Variants in SACS observed in about 807,000 individuals in gnomAD.
SACS encodes sacsin molecular chaperone, also known as sacsin.
A neutral mutation model predicts 348.0 loss-of-function variants in SACS; 197 were observed. That is an observed-to-expected ratio of 0.57 (90% CI 0.50 to 0.64). The LOEUF is 0.64. SACS is among the 30% of genes least tolerant of loss of function. SACS has a pLI of 0.00. For missense variants in SACS, 4,999 were observed against 5,360.8 expected, an observed-to-expected ratio of 0.93 and a Z score of 2.11; for synonymous variants, 1,985 against 1,910.6, an observed-to-expected ratio of 1.04 and a Z score of -1.02.
chr13:23,341,023 GT>G lies in SACS; in HGVS notation c.2852del (p.His951ProfsTer16). 6.2e-7 allele frequency: 1 copy of G among 1,614,066 alleles called. No individual in the cohort carries two copies. ...YTKLKGCKVL[H>X]HTAKLPADLR... ...GATCTGCTGGGAGTTTGGCAGTATG[GT>G]GTAAGACTTTACAACCTTTCAATTT... On this transcript the variant is annotated frameshift_variant, in exon 10 of 10. Transcript: ENST00000382292. LOFTEE classifies it high-confidence loss of function.
At chr13:23,342,167 T>C (rs1350781626) in intron 9 of SACS, among the ~76,000 whole-genome samples, 1 of 152,166 alleles carries the variant, frequency 6.6e-6, no homozygotes, top group Non-Finnish European at 1.5e-5. Flanking sequence ...TAAATAATAG[T>C]GATAGAAAAT....
rs767957360 is a variant in SACS at position 23,332,179 on chromosome 13, G to A, written c.11697C>T (p.Leu3899=). 1.6e-5 allele frequency: 26 copies of A among 1,613,796 alleles called. No homozygotes were observed. Among genetic ancestry groups the A allele is most frequent in the Non-Finnish European group, 1.9e-5 (22 of 1,179,956 alleles). The change falls in exon 10 of 10, where the codon CTC becomes CTT. Residue 3899 remains leucine, a synonymous_variant. Coordinates refer to ENST00000382292, the MANE Select transcript of SACS (RefSeq NM_014363.6). ...QNDSVKVRSD[L]ENVRDLALYL... Reference sequence around the variant, plus strand: ...AAAGCGCAAGGTCTCGTACATTCTCGAGATCACTCCTCACCTTGACTGAAT... The same window carrying A: ...AAAGCGCAAGGTCTCGTACATTCTCAAGATCACTCCTCACCTTGACTGAAT...
chr13:23,413,336 T>C (rs2137969069), intron 1 of SACS, among the ~76,000 whole-genome samples: 1 of 152,362 alleles, frequency 6.6e-6, no homozygotes, highest in East Asian at 1.9e-4. Context: ...TTTCTGCCCA[T>C]TCATTGTTCT....
At chr13:23,370,514 A>G (rs370929693) in intron 4 of SACS, among the ~76,000 whole-genome samples, 2 of 152,190 alleles carry the variant, frequency 1.3e-5, no homozygotes, top group Non-Finnish European at 2.9e-5. Flanking sequence ...TAAGAATACA[A>G]CACAGTATTG....
At position 23,331,713 on chromosome 13, in the gene SACS, T is replaced by G; in HGVS notation, c.12163A>C (p.Thr4055Pro). Residue 4055 changes from threonine (T) to proline (P), a missense_variant, in exon 10 of 10, where the codon ACA becomes CCA. Thr to Pro is a conservative substitution (Grantham distance 38). Transcript: ENST00000382292. ...LKVSCFEKLQ[T>P]TLRVKGFNPI... ...TTAAAACCTTTAACTCTTAATGTTG[T>G]TTGAAGCTTTTCAAAGCAGGATACT... The G allele has an allele frequency of 1.9e-6, 3 of 1,614,000 alleles. No homozygotes were observed. Among genetic ancestry groups the G allele is most frequent in the Non-Finnish European group, 2.5e-6 (3 of 1,179,968 alleles).
In SACS at chr13:23,375,173, G is replaced by C; in HGVS notation, c.117C>G (p.Phe39Leu). 3 of 1,505,634 alleles carry C rather than the reference G, an allele frequency of 2.0e-6. No individual in the cohort carries two copies. The highest frequency in any genetic ancestry group is 2.7e-6 in the Non-Finnish European group (3 of 1,127,510). The allele number at this position is 1,505,634 out of a possible 1,614,324, so 93.3% of individuals were successfully genotyped here. ...CCGACACCGGGAAGCCAGTCTCCGC[G>C]AAGATACGTTCCTTCACATCGCGCA... ...WTVRDVKERI[F>L]AETGFPVSEQ... The change falls in exon 3 of 10, where the codon TTC (phenylalanine) becomes TTG (leucine). Residue 39 changes from phenylalanine (F) to leucine (L), a missense_variant. Phe to Leu is a conservative substitution (Grantham distance 22). This residue lies in a region of SACS where 3,156 missense variants were observed against 3,380.1 expected (regional missense o/e 0.93). Transcript: ENST00000382292.
chr13:23,381,634 G>T (rs1008137898), intron 2 of SACS, among the ~76,000 whole-genome samples: 1 of 152,066 alleles, frequency 6.6e-6, no homozygotes, highest in East Asian at 1.9e-4. Flanking sequence ...ATCCCTAGAC[G>T]TTGATTTGAT....
At chr13:23,357,934 G>T (rs889410031) in intron 7 of SACS, among the ~76,000 whole-genome samples, 2 of 152,164 alleles carry the variant, frequency 1.3e-5, no homozygotes, top group African/African-American at 4.8e-5. Flanking sequence ...ATACCTTCCT[G>T]TTTAACCTTC....
intron 9 of SACS, among the ~76,000 whole-genome samples, chr13:23,347,645 G>A (rs1330331049): frequency 1.3e-5 from 2 of 152,160 alleles, no homozygotes; most frequent in Non-Finnish European, 2.9e-5. Context: ...TGGCCCTACA[G>A]TCTAATGGAG....
chr13:23,367,033 G>A lies in SACS; in HGVS notation c.345+1369C>T, dbSNP rs542636030. ...AGCAGAAGGCGCGTAGCCCTCAGCT[G>A]TTTGCCATAGACCTTTCTCATTTCT... On this transcript the variant is annotated intron_variant, in intron 5 of 9. Coordinates refer to ENST00000382292, the MANE Select transcript of SACS (RefSeq NM_014363.6). Among the ~76,000 whole-genome samples the A allele has an allele frequency of 3.3e-4, 51 of 152,316 alleles. No individual in the cohort carries two copies. In the South Asian group the frequency reaches 9.5e-3, roughly 28 times the overall value.
At chr13:23,425,114 G>T (rs577249068) in intron 1 of SACS, among the ~76,000 whole-genome samples, 1 of 152,242 alleles carries the variant, frequency 6.6e-6, no homozygotes, top group Non-Finnish European at 1.5e-5. Context: ...GTCCACTTGG[G>T]GCCTGACGTC....
chr13:23,392,573 G>A (rs574972756), intron 2 of SACS, among the ~76,000 whole-genome samples: 19 of 152,304 alleles, frequency 1.2e-4, no homozygotes, highest in Admixed American at 4.6e-4. Context: ...CAGATACTAT[G>A]TGAAGTGTTC....
Position 23,355,064 on chromosome 13 carries a change from C to T in SACS, c.1548G>A (p.Leu516=), listed in dbSNP as rs1870261419. 3 of 1,614,208 alleles carry T rather than the reference C, an allele frequency of 1.9e-6. No individual in the cohort carries two copies. The highest frequency in any genetic ancestry group is 2.2e-5 in the South Asian group (2 of 91,084). ...GGAAATCAGAGCTCTTTTCCATCTC[C>T]AGACGTTTTATTGAATCTAAGATCA... is the stretch of plus-strand genomic sequence containing the variant. The part of the protein sequence containing the change: ...ATLILDSIKR[L]EMEKSSDFPL... Residue 516 remains leucine (L), a synonymous_variant, in exon 8 of 10, where the codon CTG becomes CTA. Transcript: ENST00000382292.
At chr13:23,368,913 A>C (rs1301533673) in intron 4 of SACS, among the ~76,000 whole-genome samples, 4 of 152,008 alleles carry the variant, frequency 2.6e-5, no homozygotes, top group South Asian at 2.1e-4. Flanking sequence ...GTTAGCCAGG[A>C]TGGTCTTGAT....
At chr13:23,349,623 A>G (rs975432879) in intron 9 of SACS, among the ~76,000 whole-genome samples, 3 of 152,214 alleles carry the variant, frequency 2.0e-5, no homozygotes, top group South Asian at 4.1e-4. Context: ...ATACAACTCA[A>G]CTGGCAAGGT....
chr13:23,336,526 C>T lies in SACS; in HGVS notation c.7350G>A (p.Lys2450=), dbSNP rs1453307451. The part of the protein sequence containing the change: ...KQEFCEKNYG[K]ILLPDTNLML... ...TAAGATTAGTATCTGGCAATAATAT[C>T]TTGCCATAATTTTTCTCACAAAATT... Residue 2450 remains lysine, a synonymous_variant, in exon 10 of 10, where the codon AAG becomes AAA. Coordinates refer to ENST00000382292, the MANE Select transcript of SACS (RefSeq NM_014363.6). 1.9e-6 allele frequency: 3 copies of T among 1,613,876 alleles called. No individual in the cohort carries two copies. The highest frequency in any genetic ancestry group is 2.5e-6 in the Non-Finnish European group (3 of 1,179,828).
chr13:23,335,540 T>A lies in SACS; in HGVS notation c.8336A>T (p.Gln2779Leu), dbSNP rs749327297. The change falls in exon 10 of 10, where the codon CAA (glutamine) becomes CTA (leucine). Residue 2779 changes from glutamine (Q) to leucine (L), a missense_variant. Physicochemically the swap from Gln to Leu is moderately radical, Grantham distance 113. Coordinates refer to ENST00000382292, the MANE Select transcript of SACS (RefSeq NM_014363.6). The surrounding 1 kb of genome is among the most constrained non-coding windows in gnomAD (Gnocchi z 4.7). ...ACTATCAATTACAGATGCATGAAAT[T>A]GTTTCCTTTTCAATCTGTCTCCATC... ...ITDGDRLKRK[Q>L]FHASVIDSVT... The A allele has an allele frequency of 2.5e-5, 40 of 1,613,762 alleles. No individual in the cohort carries two copies. The highest frequency in any genetic ancestry group is 3.3e-5 in the Non-Finnish European group (39 of 1,179,906).
chr13:23,406,051 A>G lies in SACS; in HGVS notation c.20+5169T>C, dbSNP rs1399266458. On this transcript the variant is annotated intron_variant, in intron 2 of 9. Transcript: ENST00000382292. ...ACTGGGTATATACCCAAAGGATTAT[A>G]AATCATTCTACTCTAAAGACACATG... Among the ~76,000 whole-genome samples, 3 of 152,242 alleles carry G rather than the reference A, an allele frequency of 2.0e-5. No homozygotes were observed. The East Asian group carries it at 5.8e-4, about 29-fold the overall frequency.
chr13:23,368,418 C>T lies in SACS; in HGVS notation c.329G>A (p.Gly110Glu), dbSNP rs1349340760. 6.2e-7 allele frequency: 1 copy of T among 1,611,832 alleles called. No homozygotes were observed. The highest frequency in any genetic ancestry group is 1.7e-4 in the Middle Eastern group (1 of 6,058). ...LKDILRRYPE[G>E]GQILKELIQN... ...GTGCCCCACCTTAAGAATCTGTCCT[C>T]CTTCTGGATATCTTCTCAAAATGTC... The change falls in exon 5 of 10, where the codon GGA (glycine) becomes GAA (glutamate). Residue 110 changes from glycine to glutamate, a missense_variant. Coordinates refer to ENST00000382292, the MANE Select transcript of SACS (RefSeq NM_014363.6).
Sources: allele counts gnomAD v4.1 joint callset (sites outside exome capture counted in the v4.1 genomes callset), GRCh38; gene constraint gnomAD v4.1.1; regional missense constraint gnomAD v4.1.1; non-coding constraint Gnocchi (gnomAD v3.1); transcripts MANE v1.5; gene names NCBI Gene and HGNC (gene_info 2026-07-23, HGNC 2026-07-21).